The following ENOX1 variants were observed in gnomAD, a reference collection of about 807,000 sequenced individuals.
The protein encoded by ENOX1 is candidate growth-related and time keeping constitutive hydroquinone (NADH) oxidase.
In ENOX1, 42 loss-of-function variants were observed where a neutral mutation model predicts 82.5. The ratio of observed to expected loss-of-function variants is 0.51; its 90% CI spans 0.40 to 0.66. The LOEUF is 0.66. Among genes scored for constraint, ENOX1 ranks in the 30% least tolerant of loss-of-function variants. ENOX1 has a pLI of 0.00. For missense variants in ENOX1, 608 were observed against 811.6 expected, an observed-to-expected ratio of 0.75 and a Z score of 3.05; for synonymous variants, 271 against 282.2, an observed-to-expected ratio of 0.96 and a Z score of 0.40.
At chr13:43,574,274 G>A (rs563854595) in intron 2 of ENOX1, among the ~76,000 whole-genome samples, 3 of 152,218 alleles carry the variant, frequency 2.0e-5, no homozygotes, top group South Asian at 2.1e-4. Flanking sequence ...GAGGCCACGC[G>A]AAGGACTTTT....
intron 5 of ENOX1, among the ~76,000 whole-genome samples, chr13:43,403,571 A>G (rs924037051): frequency 2.6e-5 from 4 of 152,182 alleles, no homozygotes; most frequent in African/African-American, 9.6e-5. Flanking sequence ...GGCTGGGTGC[A>G]GTGGCTCACA....
At chr13:43,552,515 T>C (rs2079245672) in intron 2 of ENOX1, among the ~76,000 whole-genome samples, 1 of 152,196 alleles carries the variant, frequency 6.6e-6, no homozygotes, top group African/African-American at 2.4e-5. Flanking sequence ...CTTCTGGCTA[T>C]ACATTCTCCT....
intron 10 of ENOX1, among the ~76,000 whole-genome samples, chr13:43,325,392 A>G (rs2048052651): frequency 6.6e-6 from 1 of 152,228 alleles, no homozygotes; most frequent in Non-Finnish European, 1.5e-5. Flanking sequence ...AATAACAGTG[A>G]TAATAAAGAA....
chr13:43,307,251 C>T lies in ENOX1; in HGVS notation c.1262-8721G>A, dbSNP rs7999893. Among the ~76,000 whole-genome samples, 538 of 152,306 alleles carry T rather than the reference C, an allele frequency of 3.5e-3. 1 individual carries two copies. The highest frequency in any genetic ancestry group is 0.012 in the African/African-American group (508 of 41,558). On this transcript the variant is annotated intron_variant, in intron 11 of 16. Coordinates refer to ENST00000690772, the MANE Select transcript of ENOX1 (RefSeq NM_001347969.2). ...CAATAGGATAGAAAGTATCTGCATCCTCTCTAAATGTATAACCAAGGTGGG... is the reference window on the plus strand; with the variant it reads ...CAATAGGATAGAAAGTATCTGCATCTTCTCTAAATGTATAACCAAGGTGGG...
intron 15 of ENOX1, among the ~76,000 whole-genome samples, chr13:43,226,568 C>T (rs564408848): frequency 2.6e-5 from 4 of 152,154 alleles, no homozygotes; most frequent in Admixed American, 1.3e-4. Flanking sequence ...AATCACAGTT[C>T]GTGTAGAGGG....
rs189222368 is a variant in ENOX1, at chr13:43,688,627, C to T, written c.-284-21083G>A. The stretch of plus-strand genomic sequence containing the variant: ...AACAGGCCATAGGCCAAATTCGACC[C>T]AAGGCTAGGGCATGCCAACTCCTGG... On this transcript the variant is annotated intron_variant, in intron 1 of 16. Transcript: ENST00000690772. Among the ~76,000 whole-genome samples, 460 of 152,320 alleles carry T rather than the reference C, an allele frequency of 3.0e-3. 2 individuals are homozygous for T. The highest frequency in any genetic ancestry group is 0.01 in the African/African-American group (422 of 41,574).
At chr13:43,546,512 A>G (rs2153697229) in intron 2 of ENOX1, 1 of 152,300 alleles carries the variant, frequency 6.6e-6, no homozygotes, top group African/African-American at 2.4e-5. Flanking sequence ...TGTCACTCTA[A>G]CTGTAAAGGG....
At chr13:43,553,813 T>C (rs1207837764) in intron 2 of ENOX1, among the ~76,000 whole-genome samples, 2 of 152,192 alleles carry the variant, frequency 1.3e-5, no homozygotes, top group Admixed American at 1.3e-4. Context: ...AGCTGCGCGA[T>C]CTCCGCTTAC....
intron 14 of ENOX1, among the ~76,000 whole-genome samples, chr13:43,260,512 T>C (rs1049706314): frequency 1.3e-5 from 2 of 152,138 alleles, no homozygotes; most frequent in African/African-American, 2.4e-5. Flanking sequence ...GTTTTAAACA[T>C]TGCTGGCTGA....
chr13:43,318,569 A>G (rs1347728497), intron 11 of ENOX1, among the ~76,000 whole-genome samples: 1 of 152,210 alleles, frequency 6.6e-6, no homozygotes, highest in Non-Finnish European at 1.5e-5. Context: ...CCTCTTTAAT[A>G]CTTGCCATTT....
chr13:43,474,801 G>A (rs566101772), intron 3 of ENOX1, among the ~76,000 whole-genome samples: 3 of 152,030 alleles, frequency 2.0e-5, no homozygotes, highest in South Asian at 4.2e-4. Context: ...AATTAATATG[G>A]ACCCTGATGT....
chr13:43,483,356 T>C (rs1286318039), intron 3 of ENOX1, among the ~76,000 whole-genome samples: 1 of 152,208 alleles, frequency 6.6e-6, no homozygotes, highest in Non-Finnish European at 1.5e-5. Context: ...ACTATCTCAA[T>C]AGCAAACATG....
rs560431805 is a variant in ENOX1 at position 43,699,202 on chromosome 13, C to T, written c.-284-31658G>A. 9.2e-5 allele frequency among the ~76,000 whole-genome samples: 14 copies of T among 152,280 alleles called. No individual in the cohort carries two copies. The South Asian group carries it at 1.7e-3, about 18-fold the overall frequency. ...GGCCCCTCATATCGCACTGAGGCAT[C>T]AGCTAAGAAATGACTTGAGGGAAGA... On this transcript the variant is annotated intron_variant, in intron 1 of 16. Transcript: ENST00000690772.
chr13:43,300,500 A>T (rs1160094557), intron 11 of ENOX1, among the ~76,000 whole-genome samples: 1 of 152,250 alleles, frequency 6.6e-6, no homozygotes, highest in Admixed American at 6.5e-5. Flanking sequence ...AAGAACTTGG[A>T]AAGGATGTCT....
chr13:43,637,135 T>C (rs1222280765), intron 2 of ENOX1, among the ~76,000 whole-genome samples: 1 of 152,184 alleles, frequency 6.6e-6, no homozygotes, highest in Non-Finnish European at 1.5e-5. Context: ...AAACTGTACC[T>C]TTCAAATGGT....
intron 3 of ENOX1, among the ~76,000 whole-genome samples, chr13:43,443,265 TGACCAATGTTCCCATATACATA>T (rs1343213254): frequency 1.3e-5 from 2 of 152,290 alleles, no homozygotes; most frequent in East Asian, 3.9e-4. Context: ...AGCAAATAAA[TGACCAATGTTCCCATATACATA>T]GTAATATATG....
At chr13:43,569,343 T>C (rs1341702724) in intron 2 of ENOX1, among the ~76,000 whole-genome samples, 1 of 152,112 alleles carries the variant, frequency 6.6e-6, no homozygotes, top group Admixed American at 6.6e-5. Flanking sequence ...GAGAGGTGAA[T>C]GGATGGTAGG....
At chr13:43,299,023 C>G (rs1295231321) in intron 11 of ENOX1, among the ~76,000 whole-genome samples, 1 of 152,208 alleles carries the variant, frequency 6.6e-6, no homozygotes, top group Non-Finnish European at 1.5e-5. Flanking sequence ...ATGCACACCA[C>G]TCCTTCCTGC....
chr13:43,471,203 A>C (rs77930487), intron 3 of ENOX1, among the ~76,000 whole-genome samples: 2,848 of 152,284 alleles, frequency 0.019, 101 homozygotes, highest in African/African-American at 0.064. Context: ...GCTATATGAA[A>C]GGAGCCTGAC....
Sources: gnomAD v4.1 joint callset for allele counts (sites outside exome capture counted in the v4.1 genomes callset) on GRCh38, gnomAD v4.1.1 for gene constraint, MANE v1.5 for transcripts, NCBI Gene and HGNC (gene_info 2026-07-23, HGNC 2026-07-21) for gene names.